Variants in IFT80 observed in about 807,000 individuals in gnomAD.
IFT80 encodes the protein intraflagellar transport 80, also known as intraflagellar transport protein 80 homolog.
IFT80 carries 79 observed loss-of-function variants against 107.9 expected under a neutral mutation model. The ratio of observed to expected loss-of-function variants is 0.73; its 90% CI spans 0.61 to 0.88. The LOEUF is 0.88. IFT80 is among the 40% of genes least tolerant of loss of function. The pLI, the probability that IFT80 is intolerant of heterozygous loss-of-function variation, is 0.00. For missense variants in IFT80, 797 were observed against 914.2 expected (o/e 0.87, Z 1.65); for synonymous variants, 299 against 300.9 (o/e 0.99, Z 0.07).
chr3:160,397,716 C>CTTTTT lies in IFT80; in HGVS notation c.-47+1425_-47+1429dup, dbSNP rs545413654. Among the ~76,000 whole-genome samples, 178 of 96,550 alleles carry CTTTTT rather than the reference C, an allele frequency of 1.8e-3. 8 individuals carry two copies. Among genetic ancestry groups the CTTTTT allele is most frequent in the African/African-American group, 4.0e-3 (96 of 23,990 alleles). 63.3% of individuals were successfully genotyped at this position (96,550 alleles called of 152,430 possible). ...AATACACCACTCAATTTGGTCTATACTTTTTTTTTTTTTTTTTTTTTTGAG... is the reference window on the plus strand; with the variant it reads ...AATACACCACTCAATTTGGTCTATACTTTTTTTTTTTTTTTTTTTTTTTTTTTGAG... On this transcript the variant is annotated intron_variant, in intron 1 of 19. Transcript: ENST00000326448.
intron 8 of IFT80, among the ~76,000 whole-genome samples, chr3:160,327,487 C>T (rs1199829189): frequency 6.6e-6 from 1 of 152,028 alleles, no homozygotes; most frequent in African/African-American, 2.4e-5. Flanking sequence ...GACACAAAGA[C>T]CAATGGAACA....
intron 16 of IFT80, among the ~76,000 whole-genome samples, chr3:160,278,729 G>A (rs1714463912): frequency 6.6e-6 from 1 of 152,116 alleles, no homozygotes; most frequent in Admixed American, 6.6e-5. Context: ...TCTAAGGAAT[G>A]TTCACTGATG....
chr3:160,258,684 T>C lies in IFT80; in HGVS notation c.2224-49A>G, dbSNP rs547722621. 42 of 1,595,382 alleles carry C rather than the reference T, an allele frequency of 2.6e-5. 1 individual carries two copies. The Middle Eastern group carries it at 8.7e-4, about 33-fold the overall frequency. ...AAATATGCTTAGATAGTGTAAGACA[T>C]TTTTGTTTACTCCAAAGTAACTAAG... On this transcript the variant is annotated intron_variant, in intron 19 of 19. Transcript: ENST00000326448.
At chr3:160,362,322 A>G (rs1456234779) in intron 6 of IFT80, among the ~76,000 whole-genome samples, 1 of 152,180 alleles carries the variant, frequency 6.6e-6, no homozygotes, top group African/African-American at 2.4e-5. Context: ...CCAAGACTAA[A>G]CCAGGAAGAA....
chr3:160,280,125 A>G (rs1714571857), intron 15 of IFT80, among the ~76,000 whole-genome samples: 1 of 152,194 alleles, frequency 6.6e-6, no homozygotes, highest in Non-Finnish European at 1.5e-5. Flanking sequence ...TTGTATTCCT[A>G]TTTTGTCAAG....
At position 160,293,688 on chromosome 3, in the gene IFT80, T is replaced by C. The variant is rs140849877; in HGVS notation, c.1315+7195A>G. 1.3e-3 allele frequency among the ~76,000 whole-genome samples: 204 copies of C among 152,300 alleles called. 1 individual carries two copies. The highest frequency in any genetic ancestry group is 4.6e-3 in the African/African-American group (192 of 41,568). On this transcript the variant is annotated intron_variant, in intron 12 of 19. Coordinates refer to ENST00000326448, the MANE Select transcript of IFT80 (RefSeq NM_020800.3). ...GCCATTATTATCCTAATAAGGTGAC[T>C]CTGGTGAGCCCCTAGATAGCTTCAG...
At chr3:160,354,510 G>A (rs986400996) in intron 8 of IFT80, among the ~76,000 whole-genome samples, 8 of 152,158 alleles carry the variant, frequency 5.3e-5, no homozygotes, top group African/African-American at 1.9e-4. Context: ...AAAACTAGCC[G>A]GGCGTGGTGA....
At chr3:160,318,351 G>A (rs1450222128) in intron 9 of IFT80, among the ~76,000 whole-genome samples, 1 of 151,886 alleles carries the variant, frequency 6.6e-6, no homozygotes, top group Non-Finnish European at 1.5e-5. Context: ...TATTTGAATA[G>A]ACCTGCCCAT....
chr3:160,329,824 C>CT (rs144967861), intron 8 of IFT80, among the ~76,000 whole-genome samples: 36 of 151,490 alleles, frequency 2.4e-4, no homozygotes, highest in African/African-American at 8.2e-4. Flanking sequence ...AAATTGTATG[C>CT]TTTTTTTTTC....
At chr3:160,358,668 G>C (rs1296225363) in intron 6 of IFT80, among the ~76,000 whole-genome samples, 1 of 151,960 alleles carries the variant, frequency 6.6e-6, no homozygotes, top group Non-Finnish European at 1.5e-5. Flanking sequence ...ATTCTTAAGA[G>C]TTTCATTTTA....
In IFT80 at chr3:160,269,368, A is replaced by G. The variant is rs1485368645; in HGVS notation, c.2100-832T>C. ...TAAAATTAAAAACTGGTATCTTTAC[A>G]TTATTACTATAGCAAATTAAAAATC... is the stretch of plus-strand genomic sequence containing the variant. On this transcript the variant is annotated intron_variant, in intron 18 of 19. Transcript: ENST00000326448. Among the ~76,000 whole-genome samples the G allele has an allele frequency of 2.0e-5, 3 of 152,188 alleles. No individual in the cohort carries two copies. In the East Asian group the frequency reaches 5.8e-4, roughly 29 times the overall value.
chr3:160,273,753 A>G (rs1167333488), intron 18 of IFT80, among the ~76,000 whole-genome samples: 2 of 152,168 alleles, frequency 1.3e-5, no homozygotes, highest in African/African-American at 4.8e-5. Flanking sequence ...CATATTTTGG[A>G]GTCTTAAGTG....
At chr3:160,291,186 G>C (rs1299108318) in intron 12 of IFT80, among the ~76,000 whole-genome samples, 3 of 152,194 alleles carry the variant, frequency 2.0e-5, no homozygotes, top group Non-Finnish European at 4.4e-5. Flanking sequence ...TTTTGGACTA[G>C]AGAATTCCCA....
At chr3:160,381,468 C>T (rs745812921) in intron 3 of IFT80, 35 bp downstream of exon 3, 17 of 1,462,254 alleles carry the variant, frequency 1.2e-5, no homozygotes, top group Admixed American at 1.7e-5. Context: ...CTTTTAAATA[C>T]AATGGCGAGC....
intron 6 of IFT80, 96 bp from the exon 7 acceptor site, chr3:160,357,674 T>C (rs1721191800): frequency 2.8e-6 from 2 of 722,006 alleles, no homozygotes; most frequent in Admixed American, 4.4e-5. Context: ...AATGACTCCT[T>C]TGTCATCTTC....
chr3:160,346,958 T>C (rs894106561), intron 8 of IFT80, among the ~76,000 whole-genome samples: 1 of 152,186 alleles, frequency 6.6e-6, no homozygotes, highest in East Asian at 1.9e-4. Context: ...TCAGTATATG[T>C]GAGGACCCTC....
chr3:160,315,053 A>G (rs1041561656), intron 9 of IFT80, among the ~76,000 whole-genome samples: 3 of 45,232 alleles, frequency 6.6e-5, no homozygotes, highest in Admixed American at 6.2e-4. Context: ...AAAAAGAAGG[A>G]AGGGAGGGAG....
chr3:160,345,560 G>A (rs1468006817), intron 8 of IFT80, among the ~76,000 whole-genome samples: 1 of 151,976 alleles, frequency 6.6e-6, no homozygotes, highest in African/African-American at 2.4e-5. Context: ...CAGGTATGGT[G>A]GCAGGCAACT....
At chr3:160,367,701 T>C (rs1721962092) in intron 5 of IFT80, among the ~76,000 whole-genome samples, 1 of 152,106 alleles carries the variant, frequency 6.6e-6, no homozygotes, top group Non-Finnish European at 1.5e-5. Context: ...CACTTGATAG[T>C]GTTTTCAATT....
Sources: allele counts gnomAD v4.1 joint callset (sites outside exome capture counted in the v4.1 genomes callset), GRCh38; gene constraint gnomAD v4.1.1; transcripts MANE v1.5; gene names NCBI Gene and HGNC (gene_info 2026-07-23, HGNC 2026-07-21).